Variants in CDH13 observed in about 807,000 individuals in gnomAD.
CDH13 encodes cadherin 13.
CDH13 carries 24 observed loss-of-function variants against 63.8 expected under a neutral mutation model. The ratio of observed to expected loss-of-function variants is 0.38; its 90% CI spans 0.27 to 0.53. CDH13 has a LOEUF of 0.53. CDH13 is among the 20% of genes least tolerant of loss of function. The probability of loss-of-function intolerance (pLI) is 0.85; values close to 1 mark genes in which losing one functional copy is unlikely to be tolerated. For synonymous variants in CDH13, 503 were observed against 355.3 expected, an observed-to-expected ratio of 1.42 and a Z score of -4.67; for missense variants, 1,049 against 903.1, an observed-to-expected ratio of 1.16 and a Z score of -2.07.
intron 1 of CDH13, among the ~76,000 whole-genome samples, chr16:82,752,306 A>G (rs1353504988): frequency 6.6e-6 from 1 of 152,204 alleles, no homozygotes; most frequent in East Asian, 1.9e-4. Context: ...AGAGCCCGCC[A>G]ATGATGGATA....
intron 2 of CDH13, among the ~76,000 whole-genome samples, chr16:82,963,266 C>G (rs143424870): frequency 0.043 from 6,592 of 151,756 alleles, 182 homozygotes; most frequent in Middle Eastern, 0.095. Flanking sequence ...GTAATCCCAG[C>G]TACTAGGGAG....
chr16:82,854,733 G>C (rs2039621715), intron 1 of CDH13, among the ~76,000 whole-genome samples: 1 of 152,156 alleles, frequency 6.6e-6, no homozygotes, highest in Non-Finnish European at 1.5e-5. Context: ...GATGAAGTTA[G>C]ACTTCCCTAT....
At chr16:83,425,258 C>A (rs1029817196) in intron 6 of CDH13, among the ~76,000 whole-genome samples, 2 of 152,182 alleles carry the variant, frequency 1.3e-5, no homozygotes, top group Admixed American at 1.3e-4. Flanking sequence ...TTAAATGGGA[C>A]CCAATATGTC....
chr16:83,007,860 A>G (rs1401529257), intron 2 of CDH13, among the ~76,000 whole-genome samples: 1 of 151,922 alleles, frequency 6.6e-6, no homozygotes, highest in African/African-American at 2.4e-5. Flanking sequence ...AAATGCCTTA[A>G]AATTATTATG....
In CDH13 at chr16:83,334,361, T is replaced by TCTCTCTCACACA. The variant is rs1272779883; in HGVS notation, c.637-10500_637-10499insTCTCTCACACAC. On this transcript the variant is annotated intron_variant, in intron 5 of 13. Coordinates refer to ENST00000567109, the MANE Select transcript of CDH13 (RefSeq NM_001257.5). Reference sequence around the variant, plus strand: ...TTCTCCCTCTCTCTCTCTCTCTCTCTCACACACACACACACACACACACAC... The same window carrying TCTCTCTCACACA: ...TTCTCCCTCTCTCTCTCTCTCTCTCTCTCTCTCACACACACACACACACACACACACACACAC... Among the ~76,000 whole-genome samples the TCTCTCTCACACA allele has an allele frequency of 6.5e-3, 557 of 85,582 alleles. 10 individuals are homozygous for TCTCTCTCACACA. The highest frequency in any genetic ancestry group is 0.026 in the African/African-American group (516 of 20,120). 56.1% of individuals were successfully genotyped at this position (85,582 alleles called of 152,430 possible).
intron 2 of CDH13, among the ~76,000 whole-genome samples, chr16:82,900,963 C>A (rs1488965139): frequency 6.6e-6 from 1 of 152,134 alleles, no homozygotes; most frequent in Non-Finnish European, 1.5e-5. Context: ...AAAGGAACTT[C>A]ATCTGTGAAT....
chr16:83,705,554 G>A (rs979507910), intron 10 of CDH13, among the ~76,000 whole-genome samples: 3 of 152,094 alleles, frequency 2.0e-5, no homozygotes, highest in Admixed American at 6.6e-5. Context: ...CCCGGGAGGC[G>A]GAGCTTGCAG....
intron 6 of CDH13, among the ~76,000 whole-genome samples, chr16:83,420,121 T>C (rs2071673213): frequency 2.0e-5 from 3 of 152,112 alleles, no homozygotes. Context: ...AGAGAAATTC[T>C]CAAGATCAGG....
chr16:83,255,526 C>T (rs1346315902), intron 5 of CDH13, among the ~76,000 whole-genome samples: 5 of 152,188 alleles, frequency 3.3e-5, no homozygotes, highest in East Asian at 1.9e-4. Flanking sequence ...GAATGGGCTA[C>T]GTGTCCCGCA....
chr16:82,775,985 A>C (rs2035477848), intron 1 of CDH13, among the ~76,000 whole-genome samples: 1 of 152,124 alleles, frequency 6.6e-6, no homozygotes, highest in Non-Finnish European at 1.5e-5. Context: ...TGAGGCCAGC[A>C]GATCACTTGA....
In CDH13 at chr16:82,847,911, TAC is replaced by T. The variant is rs767221953; in HGVS notation, c.46-10450_46-10449del. 8.2e-3 allele frequency among the ~76,000 whole-genome samples: 1,183 copies of T among 143,518 alleles called. 9 individuals carry two copies. The highest frequency in any genetic ancestry group is 0.025 in the African/African-American group (979 of 39,648). The allele number at this position is 143,518 out of a possible 152,430, so 94.2% of individuals were successfully genotyped here. A position where few individuals can be genotyped will look rare whatever the true frequency, so the allele number is the denominator to read the frequency against. On this transcript the variant is annotated intron_variant, in intron 1 of 13. Transcript: ENST00000567109. Reference sequence around the variant, plus strand: ...TGTGCTTCACTTTTTTTTTTTTTTGTACTTCACAGATACTGTATGTTTTACAA... The same window carrying T: ...TGTGCTTCACTTTTTTTTTTTTTTGTTTCACAGATACTGTATGTTTTACAA...
At chr16:83,715,498 C>T (rs928697346) in intron 10 of CDH13, among the ~76,000 whole-genome samples, 7 of 152,202 alleles carry the variant, frequency 4.6e-5, no homozygotes, top group Admixed American at 2.6e-4. Flanking sequence ...GGTAAGTCTC[C>T]TTCCTGGCAG....
chr16:82,800,267 G>A (rs2036786825), intron 1 of CDH13, among the ~76,000 whole-genome samples: 1 of 152,086 alleles, frequency 6.6e-6, no homozygotes, highest in Non-Finnish European at 1.5e-5. Flanking sequence ...AGGAAGTTGG[G>A]TCTCATTCAG....
intron 7 of CDH13, among the ~76,000 whole-genome samples, chr16:83,530,957 G>A (rs757599659): frequency 7.2e-5 from 11 of 152,268 alleles, no homozygotes; most frequent in African/African-American, 1.4e-4. Context: ...TGTGACTTTC[G>A]CTGGGTCCTT....
At chr16:83,079,218 C>T (rs1047306127) in intron 3 of CDH13, among the ~76,000 whole-genome samples, 1 of 152,180 alleles carries the variant, frequency 6.6e-6, no homozygotes, top group Admixed American at 6.5e-5. Context: ...CTCAGCTATA[C>T]CAGAAGTAGT....
chr16:83,663,997 C>CA (rs77224826), intron 8 of CDH13, among the ~76,000 whole-genome samples: 3,772 of 86,324 alleles, frequency 0.044, 127 homozygotes, highest in African/African-American at 0.12. Flanking sequence ...CCCATCTCTA[C>CA]AAAAAAAAAA....
intron 2 of CDH13, among the ~76,000 whole-genome samples, chr16:83,023,501 C>T (rs1915533450): frequency 6.6e-6 from 1 of 152,120 alleles, no homozygotes; most frequent in South Asian, 2.1e-4. Flanking sequence ...GTTCATTTCC[C>T]CTTTCAGATA....
intron 9 of CDH13, among the ~76,000 whole-genome samples, chr16:83,671,691 G>T (rs1481571390): frequency 6.6e-6 from 1 of 152,146 alleles, no homozygotes; most frequent in African/African-American, 2.4e-5. Flanking sequence ...CTTCCTTAGT[G>T]AGCTCAATTA....
intron 2 of CDH13, among the ~76,000 whole-genome samples, chr16:82,914,561 C>G (rs562604658): frequency 6.6e-6 from 1 of 152,022 alleles, no homozygotes; most frequent in East Asian, 1.9e-4. Context: ...AAGAGTCTGA[C>G]GTTATCAATC....
Sources: gnomAD v4.1 joint callset for allele counts (sites outside exome capture counted in the v4.1 genomes callset) on GRCh38, gnomAD v4.1.1 for gene constraint, MANE v1.5 for transcripts, NCBI Gene and HGNC (gene_info 2026-07-23, HGNC 2026-07-21) for gene names.